The following CDH18 variants were observed in gnomAD, a reference collection of about 807,000 sequenced individuals.
CDH18 encodes cadherin 18.
CDH18 carries 31 observed loss-of-function variants against 67.9 expected under a neutral mutation model. That is an observed-to-expected ratio of 0.46 (90% CI 0.34 to 0.62). CDH18 has a LOEUF of 0.62. Ranked by LOEUF, CDH18 falls within the 20% of genes least tolerant of loss-of-function variation. The probability of loss-of-function intolerance (pLI) is 0.01; values close to 1 mark genes in which losing one functional copy is unlikely to be tolerated. For missense variants in CDH18, 890 were observed against 975.5 expected, an observed-to-expected ratio of 0.91 and a Z score of 1.17; for synonymous variants, 362 against 347.2, an observed-to-expected ratio of 1.04 and a Z score of -0.48.
chr5:19,890,735 T>C (rs1788703305), intron 2 of CDH18, among the ~76,000 whole-genome samples: 1 of 151,814 alleles, frequency 6.6e-6, no homozygotes, highest in Non-Finnish European at 1.5e-5. Flanking sequence ...GTTGGGATTA[T>C]AGGCGCCCAC....
At chr5:20,160,535 T>A (rs1751893767) in intron 2 of CDH18, among the ~76,000 whole-genome samples, 1 of 152,254 alleles carries the variant, frequency 6.6e-6, no homozygotes, top group Non-Finnish European at 1.5e-5. Context: ...ATATAACTTA[T>A]AAATAGTATT....
chr5:20,497,166 G>A (rs1224337415), intron 1 of CDH18, among the ~76,000 whole-genome samples: 4 of 152,086 alleles, frequency 2.6e-5, no homozygotes, highest in African/African-American at 9.7e-5. Context: ...CAGCAAAGAG[G>A]GAAATAGTAA....
intron 1 of CDH18, among the ~76,000 whole-genome samples, chr5:20,256,982 CTA>C (rs778791909): frequency 2.2e-4 from 29 of 132,196 alleles, no homozygotes; most frequent in Middle Eastern, 3.8e-3. Context: ...ATATCTATAT[CTA>C]TATCTATCTA....
At chr5:20,456,771 G>GTC (rs2150215896) in intron 1 of CDH18, among the ~76,000 whole-genome samples, 1 of 152,246 alleles carries the variant, frequency 6.6e-6, no homozygotes, top group Admixed American at 6.5e-5. Flanking sequence ...TGCAGATGGT[G>GTC]TCTCTAAAAT....
At chr5:19,505,779 C>CT (rs1466182330) in intron 10 of CDH18, among the ~76,000 whole-genome samples, 5 of 151,938 alleles carry the variant, frequency 3.3e-5, no homozygotes, top group Admixed American at 6.6e-5. Context: ...CTAAAATTCT[C>CT]TTTTTTTGTT....
intron 2 of CDH18, among the ~76,000 whole-genome samples, chr5:19,931,947 T>A (rs1471911373): frequency 6.6e-6 from 1 of 151,788 alleles, no homozygotes; most frequent in East Asian, 1.9e-4. Flanking sequence ...CTCTATCCTA[T>A]GCCACCTCTC....
chr5:20,406,202 G>T (rs1746236184), intron 1 of CDH18, among the ~76,000 whole-genome samples: 2 of 152,142 alleles, frequency 1.3e-5, no homozygotes. Context: ...AACAATGATA[G>T]ACTGGATTAA....
At position 20,203,647 on chromosome 5, in the gene CDH18, TA is replaced by T. The variant is rs202008328; in HGVS notation, c.-518+51796del. Among the ~76,000 whole-genome samples the T allele has an allele frequency of 5.9e-3, 746 of 127,170 alleles. 4 individuals carry two copies. Among genetic ancestry groups the T allele is most frequent in the Non-Finnish European group, 6.6e-3 (385 of 58,436 alleles). 83.4% of individuals were successfully genotyped at this position (127,170 alleles called of 152,430 possible). ...AGAATCTCTAAGCAAATGTATACAATAAAAAAAAAAAGCCAGACAGAGAAGA... is the reference window on the plus strand; with the variant it reads ...AGAATCTCTAAGCAAATGTATACAATAAAAAAAAAAGCCAGACAGAGAAGA... On this transcript the variant is annotated intron_variant, in intron 2 of 14. Transcript: ENST00000507958.
intron 1 of CDH18, among the ~76,000 whole-genome samples, chr5:20,519,855 C>T (rs1373723211): frequency 3.3e-5 from 5 of 149,796 alleles, no homozygotes; most frequent in Non-Finnish European, 5.9e-5. Context: ...AGACAGCTGG[C>T]AGATGTCCTT....
At chr5:19,835,640 C>T (rs1459397079) in intron 3 of CDH18, among the ~76,000 whole-genome samples, 1 of 151,924 alleles carries the variant, frequency 6.6e-6, no homozygotes, top group African/African-American at 2.4e-5. Flanking sequence ...CTGAGCTTTG[C>T]AGTTTTTAGT....
rs539836823 is a variant in CDH18 at position 19,834,319 on chromosome 5, G to C, written c.228+4440C>G. The stretch of plus-strand genomic sequence containing the variant: ...TTTTCTAGTTTACTTGCATGGAGGT[G>C]TTTATAGTATTCTCTGATGGTAGTT... On this transcript the variant is annotated intron_variant, in intron 3 of 12. Transcript: ENST00000382275. 3.9e-5 allele frequency among the ~76,000 whole-genome samples: 6 copies of C among 152,094 alleles called. No homozygotes were observed. In the South Asian group the frequency reaches 1.2e-3, roughly 32 times the overall value.
intron 3 of CDH18, among the ~76,000 whole-genome samples, chr5:19,757,833 CA>C (rs1771810295): frequency 6.6e-6 from 1 of 152,238 alleles, no homozygotes; most frequent in South Asian, 2.1e-4. Context: ...GCAAAGTGCA[CA>C]ACCACGTGCA....
intron 11 of CDH18, among the ~76,000 whole-genome samples, chr5:19,493,355 A>G (rs1393172246): frequency 1.3e-5 from 2 of 152,194 alleles, no homozygotes; most frequent in South Asian, 4.1e-4. Flanking sequence ...AGTACATAAC[A>G]CTGGAAAAAT....
At chr5:19,519,027 C>T (rs1328099841) in intron 10 of CDH18, among the ~76,000 whole-genome samples, 8 of 152,188 alleles carry the variant, frequency 5.3e-5, no homozygotes, top group African/African-American at 1.9e-4. Context: ...AAACGCCTAG[C>T]TGTACCCGGT....
In CDH18 at chr5:20,151,418, T is replaced by A. The variant is rs1297117501; in HGVS notation, c.-518+104026A>T. Among the ~76,000 whole-genome samples, 6 of 152,300 alleles carry A rather than the reference T, an allele frequency of 3.9e-5. No individual in the cohort carries two copies. In the East Asian group the frequency reaches 1.2e-3, roughly 29 times the overall value. On this transcript the variant is annotated intron_variant, in intron 2 of 14. Coordinates refer to the CDH18 transcript ENST00000507958. ...TGGGCACCTAGGTTTATTCCATGTC[T>A]TTGCTATTGTAAACAGCACAGTGAT...
At chr5:19,638,557 C>CT (rs1014865375) in intron 5 of CDH18, among the ~76,000 whole-genome samples, 14 of 134,004 alleles carry the variant, frequency 1.0e-4, no homozygotes, top group Admixed American at 3.0e-4. Flanking sequence ...TTTTTTTTTT[C>CT]TTTTTTTTTT....
At chr5:19,628,315 A>C (rs975751250) in intron 5 of CDH18, among the ~76,000 whole-genome samples, 1 of 152,142 alleles carries the variant, frequency 6.6e-6, no homozygotes, top group African/African-American at 2.4e-5. Context: ...TAAATTGCAC[A>C]GTCTTGGGTA....
intron 1 of CDH18, among the ~76,000 whole-genome samples, chr5:20,386,940 C>T (rs1744362018): frequency 6.6e-6 from 1 of 151,974 alleles, no homozygotes; most frequent in South Asian, 2.1e-4. Flanking sequence ...CTTATTCATA[C>T]ATTATGTATT....
chr5:20,139,140 A>G (rs201096326), intron 2 of CDH18, among the ~76,000 whole-genome samples: 60 of 152,296 alleles, frequency 3.9e-4, no homozygotes, highest in African/African-American at 1.4e-3. Context: ...GGAACAGAAC[A>G]GAGCCCTCAG....
Sources: gnomAD v4.1 joint callset for allele counts (sites outside exome capture counted in the v4.1 genomes callset) on GRCh38, gnomAD v4.1.1 for gene constraint, MANE v1.5 for transcripts, NCBI Gene and HGNC (gene_info 2026-07-23, HGNC 2026-07-21) for gene names.